PTPRD: variants seen among roughly 807,000 people sequenced by gnomAD.
PTPRD encodes the protein receptor-type tyrosine-protein phosphatase delta.
Under a neutral mutation model 214.5 loss-of-function variants are expected in PTPRD, and 34 were observed. The ratio of observed to expected loss-of-function variants is 0.16; its 90% CI spans 0.12 to 0.21. PTPRD has a LOEUF of 0.21. Among genes scored for constraint, PTPRD ranks in the 10% least tolerant of loss-of-function variants. PTPRD has a pLI of 1.00. For missense variants in PTPRD, 2,545 were observed against 2,398.7 expected, an observed-to-expected ratio of 1.06 and a Z score of -1.27; for synonymous variants, 1,128 against 845.7, an observed-to-expected ratio of 1.33 and a Z score of -5.79.
At position 8,999,836 on chromosome 9, in the gene PTPRD, C is replaced by A. The variant is rs145669389; in HGVS notation, c.-104+18861G>T. ...AGATTTCTATTTTGATGACCGCAGT[C>A]TGTAGATTGAGCTTTGTGGAACAGG... On this transcript the variant is annotated intron_variant, in intron 11 of 45. Transcript: ENST00000381196. Among the ~76,000 whole-genome samples the A allele has an allele frequency of 5.4e-3, 828 of 152,102 alleles. 6 individuals are homozygous for A. The highest frequency in any genetic ancestry group is 0.017 in the African/African-American group (709 of 41,508).
intron 12 of PTPRD, among the ~76,000 whole-genome samples, chr9:8,640,326 G>A (rs555184549): frequency 1.3e-5 from 2 of 152,182 alleles, no homozygotes; most frequent in South Asian, 2.1e-4. Flanking sequence ...TACAACCTGG[G>A]TGACAAGAGT....
Position 10,427,442 on chromosome 9 carries a change from C to T in PTPRD, c.-599-86425G>A, listed in dbSNP as rs559413811. On this transcript the variant is annotated intron_variant, in intron 2 of 45. Coordinates refer to ENST00000381196, the MANE Select transcript of PTPRD (RefSeq NM_002839.4). ...GAGAGATCAAGACCTACTTCAATAG[C>T]TGCTGGCTCTCAGTTGTACTTCTGA... Among the ~76,000 whole-genome samples, 4 of 152,196 alleles carry T rather than the reference C, an allele frequency of 2.6e-5. No individual in the cohort carries two copies. The South Asian group carries it at 8.3e-4, about 32-fold the overall frequency.
chr9:10,300,401 A>G (rs1184222735), intron 3 of PTPRD, among the ~76,000 whole-genome samples: 1 of 152,166 alleles, frequency 6.6e-6, no homozygotes, highest in Non-Finnish European at 1.5e-5. Context: ...CTGGAATGCC[A>G]GCAAGACAGA....
intron 3 of PTPRD, among the ~76,000 whole-genome samples, chr9:10,229,097 C>A (rs1018705166): frequency 3.3e-5 from 5 of 151,760 alleles, no homozygotes. Flanking sequence ...AGACACATGA[C>A]AAAATGCTCA....
Position 9,041,395 on chromosome 9 carries a change from G to C in PTPRD, c.-142-22660C>G, listed in dbSNP as rs570295723. On this transcript the variant is annotated intron_variant, in intron 10 of 45. Coordinates refer to ENST00000381196, the MANE Select transcript of PTPRD (RefSeq NM_002839.4). ...TCCACGCTCTGATAGGCTCCAGTGTGTGTTGTTCCCCTCTATGTGTCCATG... is the reference window on the plus strand; with the variant it reads ...TCCACGCTCTGATAGGCTCCAGTGTCTGTTGTTCCCCTCTATGTGTCCATG... 3.3e-5 allele frequency among the ~76,000 whole-genome samples: 5 copies of C among 152,136 alleles called. No homozygotes were observed. In the East Asian group the frequency reaches 9.7e-4, roughly 30 times the overall value.
chr9:9,598,488 A>G (rs1269703233), intron 7 of PTPRD, among the ~76,000 whole-genome samples: 1 of 151,978 alleles, frequency 6.6e-6, no homozygotes, highest in Non-Finnish European at 1.5e-5. Flanking sequence ...TAATAAAATA[A>G]TTTAAAAATA....
intron 2 of PTPRD, among the ~76,000 whole-genome samples, chr9:10,433,723 C>G (rs1419606868): frequency 6.6e-6 from 1 of 151,786 alleles, no homozygotes; most frequent in Non-Finnish European, 1.5e-5. Context: ...AGTTGACTCC[C>G]AGAGTCTATG....
intron 5 of PTPRD, among the ~76,000 whole-genome samples, chr9:9,811,052 A>C (rs1192819284): frequency 2.0e-5 from 3 of 152,036 alleles, no homozygotes; most frequent in African/African-American, 7.2e-5. Context: ...AGCTTGAACA[A>C]CATGGTGAAA....
In PTPRD at chr9:9,373,477, A is replaced by T. The variant is rs146873807; in HGVS notation, c.-203+23972T>A. 2.9e-3 allele frequency among the ~76,000 whole-genome samples: 448 copies of T among 152,180 alleles called. 2 individuals are homozygous for T. Among genetic ancestry groups the T allele is most frequent in the African/African-American group, 0.01 (421 of 41,540 alleles). On this transcript the variant is annotated intron_variant, in intron 9 of 45. Coordinates refer to ENST00000381196, the MANE Select transcript of PTPRD (RefSeq NM_002839.4). ...ACAATTCTAGAGGCCAGAATTCTGA[A>T]ATGAGTCTTATGGGGCTAAACTCAA...
chr9:9,893,241 G>A (rs1010802237), intron 5 of PTPRD, among the ~76,000 whole-genome samples: 6 of 151,286 alleles, frequency 4.0e-5, no homozygotes, highest in South Asian at 2.1e-4. Context: ...TAAGCAGCTA[G>A]TATCATGAGG....
intron 11 of PTPRD, among the ~76,000 whole-genome samples, chr9:8,917,530 A>G (rs767023432): frequency 1.3e-5 from 2 of 151,522 alleles, no homozygotes; most frequent in South Asian, 2.1e-4. Flanking sequence ...GAAACAGGAA[A>G]CTCAGAGCAC....
chr9:10,330,316 T>A (rs540965795), intron 3 of PTPRD, among the ~76,000 whole-genome samples: 2 of 151,874 alleles, frequency 1.3e-5, no homozygotes, highest in Admixed American at 1.3e-4. Context: ...AAAACAGATA[T>A]ACAAAGAGTA....
In PTPRD at chr9:9,310,747, G is replaced by A. The variant is rs1462353718; in HGVS notation, c.-203+86702C>T. Among the ~76,000 whole-genome samples, 4 of 151,882 alleles carry A rather than the reference G, an allele frequency of 2.6e-5. No homozygotes were observed. The East Asian group carries it at 7.8e-4, about 30-fold the overall frequency. On this transcript the variant is annotated intron_variant, in intron 9 of 45. Transcript: ENST00000381196. ...AGCCTGACCAACACGGAGAAATGCCGTCTCTACTAAAAATACAAAAATTAG... is the reference window on the plus strand; with the variant it reads ...AGCCTGACCAACACGGAGAAATGCCATCTCTACTAAAAATACAAAAATTAG...
intron 8 of PTPRD, among the ~76,000 whole-genome samples, chr9:9,518,036 C>CTGATTTTTGATACTTAT (rs2096878653): frequency 1.3e-5 from 2 of 151,946 alleles, no homozygotes. Context: ...TATTTACTTT[C>CTGATTTTTGATACTTAT]TAATTTTTGA....
At chr9:8,545,122 T>C (rs1260322164) in intron 14 of PTPRD, among the ~76,000 whole-genome samples, 1 of 152,100 alleles carries the variant, frequency 6.6e-6, no homozygotes, top group African/African-American at 2.4e-5. Context: ...ATGCAGCTAG[T>C]GGTAGATTTA....
rs144675893 is a variant in PTPRD at position 8,531,151 on chromosome 9, C to A, written c.353-2372G>T. On this transcript the variant is annotated intron_variant, in intron 14 of 45. Transcript: ENST00000381196. ...TTGTGAATGTTTACACATCGTCAGC[C>A]AAGCAGAGGTCTACAGTAGACAAGT... is the stretch of plus-strand genomic sequence containing the variant. Among the ~76,000 whole-genome samples, 399 of 152,046 alleles carry A rather than the reference C, an allele frequency of 2.6e-3. 2 individuals carry two copies. In the East Asian group the frequency reaches 0.046, roughly 18 times the overall value.
chr9:8,770,084 C>G (rs2154483977), intron 11 of PTPRD, among the ~76,000 whole-genome samples: 1 of 152,178 alleles, frequency 6.6e-6, no homozygotes, highest in Non-Finnish European at 1.5e-5. Flanking sequence ...AGTTTAAGAC[C>G]AGCCTGACCA....
In PTPRD at chr9:9,955,610, G is replaced by A. The variant is rs535201788; in HGVS notation, c.-471-17000C>T. On this transcript the variant is annotated intron_variant, in intron 4 of 45. Transcript: ENST00000381196. The stretch of plus-strand genomic sequence containing the variant: ...ACGATCTTGGCTAACTGCAAGCTCC[G>A]CCTCCCAGGTTCACGCCATTCTCCT... Among the ~76,000 whole-genome samples, 424 of 150,572 alleles carry A rather than the reference G, an allele frequency of 2.8e-3. 2 individuals carry two copies. The highest frequency in any genetic ancestry group is 9.6e-3 in the African/African-American group (391 of 40,940).
chr9:9,260,523 C>G (rs1411107900), intron 9 of PTPRD, among the ~76,000 whole-genome samples: 1 of 151,844 alleles, frequency 6.6e-6, no homozygotes, highest in Non-Finnish European at 1.5e-5. Context: ...TAGTTTTTCT[C>G]TCCTCCTTCC....
Sources: allele counts gnomAD v4.1 joint callset (sites outside exome capture counted in the v4.1 genomes callset), GRCh38; gene constraint gnomAD v4.1.1; transcripts MANE v1.5; gene names NCBI Gene and HGNC (gene_info 2026-07-23, HGNC 2026-07-21).